Variants in PARD3 observed in about 807,000 individuals in gnomAD.
PARD3 encodes partitioning defective 3 homolog.
In PARD3, 75 loss-of-function variants were observed where a neutral mutation model predicts 155.4. The observed-to-expected ratio is 0.48, with a 90% CI of 0.40 to 0.58. PARD3 has a LOEUF of 0.58. Ranked by LOEUF, PARD3 falls within the 20% of genes least tolerant of loss-of-function variation. The pLI, the probability that PARD3 is intolerant of heterozygous loss-of-function variation, is 0.00. For missense variants in PARD3, 1,642 were observed against 1,721.7 expected, an observed-to-expected ratio of 0.95 and a Z score of 0.82; for synonymous variants, 576 against 610.5, an observed-to-expected ratio of 0.94 and a Z score of 0.83.
At chr10:34,422,515 T>G (rs1299996384) in intron 5 of PARD3, among the ~76,000 whole-genome samples, 1 of 151,868 alleles carries the variant, frequency 6.6e-6, no homozygotes, top group Non-Finnish European at 1.5e-5. Flanking sequence ...AAGAAATATT[T>G]GGAAATTATA....
rs139971058 is a variant in PARD3, at chr10:34,375,866, C to A, written c.1540-864G>T. 2.9e-3 allele frequency among the ~76,000 whole-genome samples: 447 copies of A among 152,172 alleles called. 2 individuals carry two copies. The highest frequency in any genetic ancestry group is 0.01 in the African/African-American group (434 of 41,526). On this transcript the variant is annotated intron_variant, in intron 10 of 24. Transcript: ENST00000374788. ...TTCTGAAAAAAATCAACCTCATATA[C>A]CTCAAGGTACTACTATTAAGGAATT...
intron 1 of PARD3, among the ~76,000 whole-genome samples, chr10:34,746,793 A>G (rs917379580): frequency 3.9e-5 from 6 of 152,222 alleles, no homozygotes; most frequent in Admixed American, 2.0e-4. Flanking sequence ...TAATAAATCA[A>G]TTGGAAATAA....
intron 2 of PARD3, among the ~76,000 whole-genome samples, chr10:34,542,194 T>C (rs1044839683): frequency 2.2e-5 from 3 of 133,446 alleles, no homozygotes; most frequent in African/African-American, 8.6e-5. Flanking sequence ...AGCAGTAAGG[T>C]TGTTTGGGGT....
chr10:34,725,938 A>T (rs1020738029), intron 1 of PARD3, among the ~76,000 whole-genome samples: 2 of 152,188 alleles, frequency 1.3e-5, no homozygotes, highest in African/African-American at 4.8e-5. Flanking sequence ...CCACGTTCTC[A>T]GTCATGTAAC....
At chr10:34,533,785 G>A (rs1252805002) in intron 2 of PARD3, among the ~76,000 whole-genome samples, 4 of 151,768 alleles carry the variant, frequency 2.6e-5, no homozygotes, top group African/African-American at 9.7e-5. Context: ...CAGCCTGGGT[G>A]ACAGAGCAAG....
At chr10:34,748,083 A>T (rs1835527174) in intron 1 of PARD3, among the ~76,000 whole-genome samples, 1 of 152,162 alleles carries the variant, frequency 6.6e-6, no homozygotes, top group South Asian at 2.1e-4. Flanking sequence ...AAAAAGCAGA[A>T]AATGCGGGAG....
intron 2 of PARD3, among the ~76,000 whole-genome samples, chr10:34,586,202 A>G (rs1203904104): frequency 6.6e-6 from 1 of 152,222 alleles, no homozygotes; most frequent in Non-Finnish European, 1.5e-5. Flanking sequence ...AAGAACCAAG[A>G]ATATAAAAGA....
chr10:34,546,769 G>A (rs533928810), intron 2 of PARD3, among the ~76,000 whole-genome samples: 12 of 152,210 alleles, frequency 7.9e-5, no homozygotes, highest in South Asian at 2.1e-4. Flanking sequence ...GGAATTAACC[G>A]AACTGGCTTT....
intron 20 of PARD3, among the ~76,000 whole-genome samples, chr10:34,304,516 G>A (rs898140189): frequency 6.6e-6 from 1 of 152,114 alleles, no homozygotes; most frequent in Non-Finnish European, 1.5e-5. Context: ...ATGCCATGTC[G>A]CATAGCAATC....
chr10:34,599,193 T>C (rs568095227), intron 2 of PARD3, among the ~76,000 whole-genome samples: 2 of 152,256 alleles, frequency 1.3e-5, no homozygotes, highest in East Asian at 3.9e-4. Context: ...TCATAACTCT[T>C]AGCGTAAGTA....
Position 34,399,339 on chromosome 10 carries a change from C to A in PARD3, c.881G>T (p.Arg294Leu). Residue 294 changes from arginine to leucine, a missense_variant, in exon 7 of 25, where the codon CGA (arginine) becomes CTA (leucine). Physicochemically the swap from Arg to Leu is moderately radical, Grantham distance 102. This residue lies in a region of PARD3 where 1,529 missense variants were observed against 1,587.3 expected (regional missense o/e 0.96). Coordinates refer to ENST00000374788, the MANE Select transcript of PARD3 (RefSeq NM_001184785.2). ...CTCCAAGATACGTTACCTGCCGCCT[C>A]GAGCACTGAAAGGCACTACGTGGAT... is the stretch of plus-strand genomic sequence containing the variant. The part of the protein sequence containing the change: ...LGIHVVPFSA[R>L]GGRTLGLLVK... 1 of 1,603,684 alleles carries A rather than the reference C, an allele frequency of 6.2e-7. No individual in the cohort carries two copies. Among genetic ancestry groups the A allele is most frequent in the East Asian group, 2.2e-5 (1 of 44,826 alleles).
rs561747380 is a variant in PARD3 at position 34,175,575 on chromosome 10, T to C, written c.3420-43992A>G. Among the ~76,000 whole-genome samples the C allele has an allele frequency of 6.6e-5, 10 of 152,258 alleles. No individual in the cohort carries two copies. The East Asian group carries it at 1.2e-3, about 18-fold the overall frequency. On this transcript the variant is annotated intron_variant, in intron 22 of 24. Coordinates refer to ENST00000374788, the MANE Select transcript of PARD3 (RefSeq NM_001184785.2). ...CATCACAGTCACATAAAGTAAAATA[T>C]ATTTTCACCTGGGGAAAAATATTCC...
chr10:34,339,116 A>C (rs1242300145), intron 16 of PARD3, among the ~76,000 whole-genome samples: 1 of 152,248 alleles, frequency 6.6e-6, no homozygotes, highest in Admixed American at 6.5e-5. Flanking sequence ...ACAATCTTGC[A>C]ACAGCAAACT....
chr10:34,226,589 T>C (rs1459160520), intron 22 of PARD3, among the ~76,000 whole-genome samples: 12 of 152,192 alleles, frequency 7.9e-5, no homozygotes, highest in Admixed American at 7.9e-4. Flanking sequence ...CTGGTGGAGA[T>C]GTGACTATAT....
At chr10:34,718,332 G>A (rs923596803) in intron 1 of PARD3, among the ~76,000 whole-genome samples, 4 of 151,944 alleles carry the variant, frequency 2.6e-5, no homozygotes, top group African/African-American at 9.7e-5. Context: ...TTTCAATCAG[G>A]AGAAATCTTA....
rs868158154 is a variant in PARD3 at position 34,384,148 on chromosome 10, G to A, written c.997C>T (p.Arg333Ter). The A allele has an allele frequency of 1.2e-6, 2 of 1,613,680 alleles. No homozygotes were observed. The change falls in exon 8 of 25, where the codon CGA becomes TGA. Residue 333 changes from arginine to a stop codon, truncating the protein, a stop_gained. Coordinates refer to ENST00000374788, the MANE Select transcript of PARD3 (RefSeq NM_001184785.2). LOFTEE classifies it high-confidence loss of function. ...ACTTACTGTTCAAATCTTCTATTTC[G>A]AAGGTCGCCATCATTAATCCTGACA... ...CIVRINDGDL[R>*]NRRFEQAQHM...
intron 22 of PARD3, among the ~76,000 whole-genome samples, chr10:34,268,710 T>C (rs1477329569): frequency 6.6e-6 from 1 of 151,542 alleles, no homozygotes; most frequent in East Asian, 1.9e-4. Flanking sequence ...TTCTCACTCA[T>C]AGGTGGGAAT....
chr10:34,750,726 T>C (rs1835925987), intron 1 of PARD3, among the ~76,000 whole-genome samples: 1 of 150,898 alleles, frequency 6.6e-6, no homozygotes, highest in Non-Finnish European at 1.5e-5. Flanking sequence ...TCTCACTCTG[T>C]TGCTCAGGCT....
rs538123550 is a variant in PARD3, at chr10:34,188,834, G to C, written c.3420-57251C>G. ...ACTGCTCCACTCTCTTGCCACCATG[G>C]TCATTCCAAGAAACAAATCTGACCA... On this transcript the variant is annotated intron_variant, in intron 22 of 24. Coordinates refer to ENST00000374788, the MANE Select transcript of PARD3 (RefSeq NM_001184785.2). Among the ~76,000 whole-genome samples the C allele has an allele frequency of 3.2e-4, 49 of 151,630 alleles. 2 individuals are homozygous for C. Among genetic ancestry groups the C allele is most frequent in the African/African-American group, 1.2e-3 (48 of 41,300 alleles).
Sources: allele counts gnomAD v4.1 joint callset (sites outside exome capture counted in the v4.1 genomes callset), GRCh38; gene constraint gnomAD v4.1.1; regional missense constraint gnomAD v4.1.1; transcripts MANE v1.5; gene names NCBI Gene and HGNC (gene_info 2026-07-23, HGNC 2026-07-21).